GLG1: variants seen among roughly 807,000 people sequenced by gnomAD.
GLG1 encodes the protein golgi glycoprotein 1, also known as Golgi apparatus protein 1.
A neutral mutation model predicts 160.5 loss-of-function variants in GLG1; 38 were observed. The observed-to-expected ratio is 0.24, with a 90% CI of 0.18 to 0.31. The LOEUF (loss-of-function observed/expected upper bound fraction) is 0.31, where lower values mean the gene tolerates loss of function less well. GLG1 is among the 10% of genes least tolerant of loss of function. The probability of loss-of-function intolerance (pLI) is 1.00; values close to 1 mark genes in which losing one functional copy is unlikely to be tolerated. For synonymous variants in GLG1, 644 were observed against 543.4 expected, an observed-to-expected ratio of 1.19 and a Z score of -2.57; for missense variants, 1,373 against 1,505.2, an observed-to-expected ratio of 0.91 and a Z score of 1.45.
At chr16:74,580,108 G>T (rs1021344452) in intron 1 of GLG1, among the ~76,000 whole-genome samples, 2 of 152,048 alleles carry the variant, frequency 1.3e-5, no homozygotes, top group African/African-American at 4.8e-5. Context: ...CAGAAGAGCT[G>T]AATCTCATGT....
intron 20 of GLG1, chr16:74,463,008 T>C (rs2014861930): frequency 2.4e-6 from 1 of 417,814 alleles, no homozygotes; most frequent in South Asian, 3.4e-5. Context: ...GTCTTCCAAC[T>C]CAGAGGTGAA....
At chr16:74,524,295 A>G (rs2017267658) in intron 2 of GLG1, among the ~76,000 whole-genome samples, 1 of 152,178 alleles carries the variant, frequency 6.6e-6, no homozygotes, top group Non-Finnish European at 1.5e-5. Flanking sequence ...GCCTTACTGC[A>G]CTGGCTAGGA....
At chr16:74,504,518 C>T (rs751754297) in intron 3 of GLG1, among the ~76,000 whole-genome samples, 15 of 152,138 alleles carry the variant, frequency 9.9e-5, no homozygotes, top group Non-Finnish European at 2.1e-4. Context: ...GAACTCCTGA[C>T]CCCACGTGAC....
At chr16:74,474,687 C>G (rs2143272357) in intron 12 of GLG1, 55 bp from the exon 13 acceptor site, 1 of 838,620 alleles carries the variant, frequency 1.2e-6, no homozygotes, top group Non-Finnish European at 2.1e-6. Context: ...ATGAACAAGG[C>G]AAGGGGAGAT....
intron 8 of GLG1, among the ~76,000 whole-genome samples, 169 bp from the exon 9 acceptor site, chr16:74,486,086 A>G (rs112194028): frequency 2.6e-5 from 4 of 152,160 alleles, no homozygotes; most frequent in African/African-American, 9.7e-5. Flanking sequence ...ATACTTTTCC[A>G]ACTGGTTTCT....
intron 1 of GLG1, among the ~76,000 whole-genome samples, chr16:74,594,974 G>C (rs1469377636): frequency 2.0e-5 from 3 of 152,070 alleles, no homozygotes; most frequent in African/African-American, 7.2e-5. Context: ...AGATCACGAG[G>C]TCAGGAGATC....
chr16:74,528,624 C>G (rs2017419559), intron 2 of GLG1, among the ~76,000 whole-genome samples: 1 of 151,482 alleles, frequency 6.6e-6, no homozygotes, highest in South Asian at 2.1e-4. Flanking sequence ...CCAGCCTGAC[C>G]AACATGGTGA....
At chr16:74,511,279 G>A (rs2016794921) in intron 2 of GLG1, among the ~76,000 whole-genome samples, 1 of 152,116 alleles carries the variant, frequency 6.6e-6, no homozygotes, top group Non-Finnish European at 1.5e-5. Flanking sequence ...AAACACAAAG[G>A]ATGGGTAGGA....
At chr16:74,454,588 C>T (rs2014452067) in intron 25 of GLG1, among the ~76,000 whole-genome samples, 1 of 135,542 alleles carries the variant, frequency 7.4e-6, no homozygotes, top group Non-Finnish European at 1.5e-5. Context: ...ATTGCTTGAA[C>T]CCGGGAGGCG....
At chr16:74,534,609 T>C (rs1377370524) in intron 1 of GLG1, among the ~76,000 whole-genome samples, 2 of 151,872 alleles carry the variant, frequency 1.3e-5, no homozygotes, top group Non-Finnish European at 2.9e-5. Context: ...ATTAGCAAAT[T>C]AATTACTGTT....
chr16:74,528,811 CAAA>C (rs35777516), intron 2 of GLG1, among the ~76,000 whole-genome samples: 51 of 62,792 alleles, frequency 8.1e-4, no homozygotes, highest in African/African-American at 9.4e-4. Flanking sequence ...GATTCTGTCT[CAAA>C]AAAAAAAAAA....
At chr16:74,591,684 C>T (rs1958189092) in intron 1 of GLG1, among the ~76,000 whole-genome samples, 1 of 152,008 alleles carries the variant, frequency 6.6e-6, no homozygotes, top group South Asian at 2.1e-4. Context: ...TAACGTATGG[C>T]TAAGTTTAGT....
chr16:74,475,733 A>G (rs2015371502), intron 12 of GLG1, among the ~76,000 whole-genome samples: 1 of 152,238 alleles, frequency 6.6e-6, no homozygotes, highest in Admixed American at 6.5e-5. Context: ...ATTCTGCAAG[A>G]ATCTCTCTGT....
At chr16:74,600,791 T>C (rs1236055040) in intron 1 of GLG1, among the ~76,000 whole-genome samples, 4 of 146,866 alleles carry the variant, frequency 2.7e-5, no homozygotes, top group Non-Finnish European at 6.0e-5. Flanking sequence ...AAGCTAAGAA[T>C]AGCAGAGCTG....
intron 1 of GLG1, among the ~76,000 whole-genome samples, chr16:74,599,495 G>C (rs1189790355): frequency 6.6e-6 from 1 of 152,142 alleles, no homozygotes; most frequent in African/African-American, 2.4e-5. Context: ...AGGCGGGTGG[G>C]ATTACCTGAG....
chr16:74,507,364 T>C (rs949986348), intron 3 of GLG1, among the ~76,000 whole-genome samples: 2 of 152,144 alleles, frequency 1.3e-5, no homozygotes, highest in African/African-American at 4.8e-5. Context: ...CTGGTATGTA[T>C]TTAATGGGAC....
At chr16:74,594,469 T>C (rs1489945788) in intron 1 of GLG1, among the ~76,000 whole-genome samples, 1 of 152,200 alleles carries the variant, frequency 6.6e-6, no homozygotes, top group East Asian at 1.9e-4. Flanking sequence ...AGTCATTGTT[T>C]TTAGATTCCA....
At chr16:74,596,651 C>G (rs565177676) in intron 1 of GLG1, among the ~76,000 whole-genome samples, 1 of 152,364 alleles carries the variant, frequency 6.6e-6, no homozygotes, top group East Asian at 1.9e-4. Flanking sequence ...ACTAGCTGCA[C>G]GTGGCTGATG....
chr16:74,574,700 C>T (rs1437825420), intron 1 of GLG1, among the ~76,000 whole-genome samples: 2 of 150,762 alleles, frequency 1.3e-5, no homozygotes, highest in Non-Finnish European at 3.0e-5. Flanking sequence ...CTGGCCAACA[C>T]GGTAAAATGC....
Sources: allele counts gnomAD v4.1 joint callset (sites outside exome capture counted in the v4.1 genomes callset), GRCh38; gene constraint gnomAD v4.1.1; transcripts MANE v1.5; gene names NCBI Gene and HGNC (gene_info 2026-07-23, HGNC 2026-07-21).